Variants in HMGN5 observed in about 807,000 individuals in gnomAD.
The protein encoded by HMGN5 is high mobility group nucleosome binding domain 5, also known as high mobility group nucleosome-binding domain-containing protein 5.
A neutral mutation model predicts 9.5 loss-of-function variants in HMGN5; 4 were observed. That is an observed-to-expected ratio of 0.42 (90% CI 0.21 to 0.96). The LOEUF (loss-of-function observed/expected upper bound fraction) is 0.96. Among genes scored for constraint, HMGN5 ranks in the 40% least tolerant of loss-of-function variants. The pLI, the probability that HMGN5 is intolerant of heterozygous loss-of-function variation, is 0.30. For missense variants in HMGN5, 192 were observed against 187.5 expected (o/e 1.02, Z -0.14); for synonymous variants, 55 against 57.1 (o/e 0.96, Z 0.16).
chrX:81,187,697 T>A (rs1271902694), intron 1 of HMGN5, among the ~76,000 whole-genome samples: 2 of 112,066 alleles, frequency 1.8e-5, no homozygotes, highest in East Asian at 5.6e-4. Context: ...TCATTTCTGG[T>A]CAGTGTTATT....
At chrX:81,179,834 A>G (rs1444395380) in intron 1 of HMGN5, among the ~76,000 whole-genome samples, 6 of 111,804 alleles carry the variant, frequency 5.4e-5, no homozygotes, top group African/African-American at 2.0e-4. Context: ...AAAACAGCAT[A>G]GTACTGGCAC....
intron 1 of HMGN5, among the ~76,000 whole-genome samples, chrX:81,163,336 C>T (rs2075402762): frequency 8.9e-6 from 1 of 112,213 alleles, no homozygotes; most frequent in Non-Finnish European, 1.9e-5. Flanking sequence ...AATTTCTGAC[C>T]CTGATTCAGA....
intron 1 of HMGN5, among the ~76,000 whole-genome samples, chrX:81,177,367 CAAAAAAAAAA>C (rs148090852): frequency 9.4e-5 from 1 of 10,664 alleles, no homozygotes; most frequent in Non-Finnish European, 1.7e-4. Flanking sequence ...AAATGGAAAG[CAAAAAAAAAA>C]AAAAAAAAAA....
At chrX:81,126,426 C>A (rs2075283732) in intron 1 of HMGN5, among the ~76,000 whole-genome samples, 1 of 111,221 alleles carries the variant, frequency 9.0e-6, no homozygotes, top group Admixed American at 9.6e-5. Flanking sequence ...GTTTTCTATA[C>A]CTCAAGAAAG....
At chrX:81,159,295 C>G (rs896579611) in intron 1 of HMGN5, among the ~76,000 whole-genome samples, 1 of 111,080 alleles carries the variant, frequency 9.0e-6, no homozygotes, top group Non-Finnish European at 1.9e-5. Flanking sequence ...GGGCTTAATG[C>G]TTGGGTGATG....
At chrX:81,140,014 C>G (rs917674495) in intron 1 of HMGN5, among the ~76,000 whole-genome samples, 1 of 112,154 alleles carries the variant, frequency 8.9e-6, no homozygotes, top group African/African-American at 3.2e-5. Flanking sequence ...CCAGCTGGAG[C>G]AGTCAAGGGA....
intron 1 of HMGN5, among the ~76,000 whole-genome samples, chrX:81,146,070 G>T (rs5959822): frequency 1.9e-4 from 21 of 109,279 alleles, no homozygotes; most frequent in African/African-American, 7.0e-4. Context: ...TTAACACCCC[G>T]CTGTCAACAA....
At chrX:81,190,482 T>C (rs778344136) in intron 1 of HMGN5, among the ~76,000 whole-genome samples, 50 of 111,108 alleles carry the variant, frequency 4.5e-4, no homozygotes, top group African/African-American at 1.5e-3. Context: ...CCCTCTATTC[T>C]TCCCAAACCC....
chrX:81,141,424 C>A (rs1415677384), intron 1 of HMGN5, among the ~76,000 whole-genome samples: 1 of 108,110 alleles, frequency 9.2e-6, no homozygotes, highest in Non-Finnish European at 1.9e-5. Context: ...CACAAGAATG[C>A]TTATTTCGCT....
intron 1 of HMGN5, among the ~76,000 whole-genome samples, chrX:81,183,397 C>T (rs1027653787): frequency 1.8e-5 from 2 of 112,621 alleles, no homozygotes; most frequent in African/African-American, 6.4e-5. Context: ...CCCAGGGCCC[C>T]GCTGCCCTGT....
At chrX:81,193,984 A>C (rs1184289531) in intron 1 of HMGN5, among the ~76,000 whole-genome samples, 1 of 111,812 alleles carries the variant, frequency 8.9e-6, no homozygotes, top group Non-Finnish European at 1.9e-5. Context: ...CAAATAGACA[A>C]ATGAAACAGA....
chrX:81,148,193 G>C (rs2147559814), intron 1 of HMGN5, among the ~76,000 whole-genome samples: 1 of 111,730 alleles, frequency 9.0e-6, no homozygotes, highest in African/African-American at 3.3e-5. Flanking sequence ...TAAGCAAAAA[G>C]AACAAAGCTG....
intron 1 of HMGN5, among the ~76,000 whole-genome samples, chrX:81,186,572 A>C (rs2147648129): frequency 9.0e-6 from 1 of 111,551 alleles, no homozygotes; most frequent in East Asian, 2.8e-4. Context: ...GATCTTTTGT[A>C]TTATTTTGTT....
chrX:81,186,160 T>G (rs956867535), intron 1 of HMGN5, among the ~76,000 whole-genome samples: 1 of 112,137 alleles, frequency 8.9e-6, no homozygotes, highest in Non-Finnish European at 1.9e-5. Context: ...TCTTCTTCTA[T>G]GTTTCACAAT....
intron 1 of HMGN5, among the ~76,000 whole-genome samples, chrX:81,173,907 G>A (rs914939554): frequency 1.8e-5 from 2 of 110,798 alleles, no homozygotes; most frequent in East Asian, 2.8e-4. Flanking sequence ...TGCATTTATC[G>A]TTATCTTATG....
At chrX:81,140,121 A>C (rs921003968) in intron 1 of HMGN5, among the ~76,000 whole-genome samples, 22 of 111,626 alleles carry the variant, frequency 2.0e-4, no homozygotes, top group Non-Finnish European at 3.8e-5. Flanking sequence ...GGAAAGAATG[A>C]GGAGGACTTT....
intron 1 of HMGN5, among the ~76,000 whole-genome samples, chrX:81,190,866 G>T (rs2075492237): frequency 9.0e-6 from 1 of 110,850 alleles, no homozygotes; most frequent in Non-Finnish European, 1.9e-5. Context: ...ATTATTAAAG[G>T]TCAGTTGACT....
chrX:81,161,304 A>C (rs1266843619), intron 1 of HMGN5, among the ~76,000 whole-genome samples: 4 of 110,935 alleles, frequency 3.6e-5, no homozygotes, highest in Non-Finnish European at 7.5e-5. Context: ...GGCCCAACTA[A>C]TGGCTAGCAT....
chrX:81,132,669 T>G lies in HMGN5; in HGVS notation c.-123-10997A>C, dbSNP rs147581632. On this transcript the variant is annotated intron_variant, in intron 1 of 6. Coordinates refer to ENST00000358130, the MANE Select transcript of HMGN5 (RefSeq NM_030763.3). Reference sequence around the variant, plus strand: ...CTCAGAAGACTGAAACTGGACCCCTTCCTTATATCATATAGAAAAATTAAC... The same window carrying G: ...CTCAGAAGACTGAAACTGGACCCCTGCCTTATATCATATAGAAAAATTAAC... 4.8e-3 allele frequency among the ~76,000 whole-genome samples: 535 copies of G among 111,583 alleles called. 4 individuals carry two copies. Among genetic ancestry groups the G allele is most frequent in the African/African-American group, 0.017 (515 of 30,706 alleles).
Sources: allele counts gnomAD v4.1 joint callset (sites outside exome capture counted in the v4.1 genomes callset), GRCh38; gene constraint gnomAD v4.1.1; transcripts MANE v1.5; gene names NCBI Gene and HGNC (gene_info 2026-07-23, HGNC 2026-07-21).